The following CEP135 variants were observed in gnomAD, a reference collection of about 807,000 sequenced individuals.
The protein encoded by CEP135 is centrosomal protein of 135 kDa.
Under a neutral mutation model 157.3 loss-of-function variants are expected in CEP135, and 142 were observed. The observed-to-expected ratio is 0.90, with a 90% CI of 0.79 to 1.04. The LOEUF (loss-of-function observed/expected upper bound fraction) is 1.04, where lower values mean the gene tolerates loss of function less well. Ranked by LOEUF, CEP135 falls within the 50% of genes least tolerant of loss-of-function variation. CEP135 has a pLI of 0.00. For missense variants in CEP135, 1,317 were observed against 1,309.2 expected (o/e 1.01, Z -0.09); for synonymous variants, 396 against 439.8 (o/e 0.90, Z 1.25).
At chr4:55,989,446 A>G (rs1173705031) in intron 14 of CEP135, among the ~76,000 whole-genome samples, 1 of 152,256 alleles carries the variant, frequency 6.6e-6, no homozygotes, top group Non-Finnish European at 1.5e-5. Context: ...TCACACAGCT[A>G]GCAGATGTCT....
intron 2 of CEP135, among the ~76,000 whole-genome samples, 163 bp from the exon 3 acceptor site, chr4:55,952,922 A>G (rs1375541994): frequency 1.3e-5 from 2 of 152,256 alleles, no homozygotes; most frequent in Non-Finnish European, 2.9e-5. Flanking sequence ...TGCCCCCATT[A>G]TAAATCTTAC....
At position 56,008,464 on chromosome 4, in the gene CEP135, A is replaced by G. The variant is rs191049326; in HGVS notation, c.2336+82A>G. On this transcript the variant is annotated intron_variant, in intron 18 of 25. Coordinates refer to ENST00000257287, the MANE Select transcript of CEP135 (RefSeq NM_025009.5). Reference sequence around the variant, plus strand: ...TTTATCTATTCAGTAGCATTGCAGCAATAGAAGAATTTCCCTTTCAATTTC... The same window carrying G: ...TTTATCTATTCAGTAGCATTGCAGCGATAGAAGAATTTCCCTTTCAATTTC... The G allele has an allele frequency of 9.8e-4, 1,057 of 1,075,886 alleles. 7 individuals carry two copies. The highest frequency in any genetic ancestry group is 5.5e-3 in the South Asian group (381 of 69,600). The allele number at this position is 1,075,886 out of a possible 1,614,324, so 66.6% of individuals were successfully genotyped here. A position where few individuals can be genotyped will look rare whatever the true frequency, so the allele number is the denominator to read the frequency against.
intron 24 of CEP135, among the ~76,000 whole-genome samples, chr4:56,022,776 C>T (rs1464126294): frequency 3.9e-5 from 6 of 151,972 alleles, no homozygotes; most frequent in Non-Finnish European, 5.9e-5. Context: ...GACAGGAAGA[C>T]GGAAGAGGGC....
At chr4:55,986,086 T>C (rs1051029342) in intron 14 of CEP135, among the ~76,000 whole-genome samples, 1 of 152,232 alleles carries the variant, frequency 6.6e-6, no homozygotes, top group Non-Finnish European at 1.5e-5. Context: ...TTCCCTGATT[T>C]CTTTATTCGT....
intron 11 of CEP135, 146 bp downstream of exon 11, chr4:55,975,115 A>G (rs1729158501): frequency 1.7e-6 from 1 of 575,976 alleles, no homozygotes; most frequent in Non-Finnish European, 3.0e-6. Flanking sequence ...CCTGCACTAT[A>G]GGAACACTAC....
chr4:56,024,487 A>G lies in CEP135; in HGVS notation c.3321-14A>G, dbSNP rs1731083886. 5 of 1,600,008 alleles carry G rather than the reference A, an allele frequency of 3.1e-6. No homozygotes were observed. Among genetic ancestry groups the G allele is most frequent in the Non-Finnish European group, 4.3e-6 (5 of 1,167,882 alleles). On this transcript the variant is annotated splice_polypyrimidine_tract_variant and intron_variant, in intron 24 of 25. Coordinates refer to ENST00000257287, the MANE Select transcript of CEP135 (RefSeq NM_025009.5). ...TGCTTGAATATATCTCTCTTGTTTGATCTTTACTAACAGAGAACGAGCAAT... is the reference window on the plus strand; with the variant it reads ...TGCTTGAATATATCTCTCTTGTTTGGTCTTTACTAACAGAGAACGAGCAAT...
At chr4:55,953,324 T>G in intron 3 of CEP135, 49 bp downstream of exon 3, 1 of 1,303,220 alleles carries the variant, frequency 7.7e-7, no homozygotes, top group Non-Finnish European at 1.0e-6. Flanking sequence ...TTGTCCTTTT[T>G]ATTTTAGAAG....
At chr4:56,002,804 G>A (rs1486088846) in intron 17 of CEP135, among the ~76,000 whole-genome samples, 1 of 152,094 alleles carries the variant, frequency 6.6e-6, no homozygotes, top group Non-Finnish European at 1.5e-5. Context: ...GCAGGAATTG[G>A]TATTAGTTCT....
chr4:55,984,236 G>A (rs535161959), intron 13 of CEP135, among the ~76,000 whole-genome samples: 49 of 152,264 alleles, frequency 3.2e-4, no homozygotes, highest in African/African-American at 1.1e-3. Flanking sequence ...CAAGACTCCA[G>A]GCTTAATGGA....
chr4:55,988,133 T>C (rs948132093), intron 14 of CEP135, among the ~76,000 whole-genome samples: 1 of 119,116 alleles, frequency 8.4e-6, no homozygotes, highest in East Asian at 2.3e-4. Flanking sequence ...TTATATCAGG[T>C]TTATAAAAAA....
intron 22 of CEP135, among the ~76,000 whole-genome samples, chr4:56,018,215 C>T (rs535520815): frequency 2.0e-5 from 3 of 152,040 alleles, no homozygotes; most frequent in Admixed American, 1.3e-4. Flanking sequence ...CCCAACCTCA[C>T]GTGATCTGCC....
intron 23 of CEP135, 123 bp from the exon 24 acceptor site, chr4:56,020,553 C>G (rs1001757908): frequency 1.4e-6 from 1 of 725,346 alleles, no homozygotes; most frequent in Admixed American, 2.4e-5. Context: ...GATAAAAGCT[C>G]TAGAAGTTTA....
At chr4:55,986,816 G>C (rs1367216880) in intron 14 of CEP135, among the ~76,000 whole-genome samples, 1 of 152,036 alleles carries the variant, frequency 6.6e-6, no homozygotes, top group East Asian at 1.9e-4. Flanking sequence ...TGTTTTGGCT[G>C]GCTTCTATTA....
chr4:55,974,252 A>G (rs1450494687), intron 10 of CEP135, among the ~76,000 whole-genome samples: 2 of 152,160 alleles, frequency 1.3e-5, no homozygotes, highest in Non-Finnish European at 2.9e-5. Flanking sequence ...ACTATATGAA[A>G]TTGCCAGTAT....
intron 18 of CEP135, 72 bp downstream of exon 18, chr4:56,008,454 G>A (rs2109728296): frequency 5.2e-6 from 6 of 1,143,202 alleles, no homozygotes; most frequent in Non-Finnish European, 7.6e-6. Flanking sequence ...CTATTCAGTA[G>A]CATTGCAGCA....
chr4:55,974,686 T>G, intron 10 of CEP135, 60 bp from the exon 11 acceptor site: 1 of 1,246,696 alleles, frequency 8.0e-7, no homozygotes, highest in African/African-American at 1.5e-5. Flanking sequence ...TATAATTTAC[T>G]TGACTAATCA....
At chr4:56,003,104 C>T (rs981176499) in intron 17 of CEP135, among the ~76,000 whole-genome samples, 26 of 152,084 alleles carry the variant, frequency 1.7e-4, no homozygotes, top group Non-Finnish European at 3.4e-4. Context: ...TGGGTCTTCT[C>T]TCTTTTTTTA....
At chr4:55,973,539 G>A (rs773545594) in intron 10 of CEP135, among the ~76,000 whole-genome samples, 73 of 152,188 alleles carry the variant, frequency 4.8e-4, no homozygotes, top group African/African-American at 1.7e-3. Context: ...ATAAAGGGCC[G>A]GTGGCTCCAT....
At chr4:55,962,130 C>T (rs1178115183) in intron 6 of CEP135, among the ~76,000 whole-genome samples, 2 of 151,852 alleles carry the variant, frequency 1.3e-5, no homozygotes, top group South Asian at 4.1e-4. Context: ...GACGGAGTCT[C>T]CCTCTGTCGC....
Sources: allele counts gnomAD v4.1 joint callset (sites outside exome capture counted in the v4.1 genomes callset), GRCh38; gene constraint gnomAD v4.1.1; transcripts MANE v1.5; gene names NCBI Gene and HGNC (gene_info 2026-07-23, HGNC 2026-07-21).